Variants in TBX5 observed in about 807,000 individuals in gnomAD.
TBX5 encodes the protein T-box transcription factor TBX5.
Under a neutral mutation model 51.1 loss-of-function variants are expected in TBX5, and 8 were observed. The ratio of observed to expected loss-of-function variants is 0.16; its 90% CI spans 0.09 to 0.28. The LOEUF is 0.28. Among genes scored for constraint, TBX5 ranks in the 10% least tolerant of loss-of-function variants. TBX5 has a pLI of 1.00. For synonymous variants in TBX5, 302 were observed against 266.4 expected (o/e 1.13, Z -1.30); for missense variants, 589 against 671.7 (o/e 0.88, Z 1.36).
At chr12:114,400,627 G>A (rs1871749741) in intron 3 of TBX5, among the ~76,000 whole-genome samples, 1 of 152,210 alleles carries the variant, frequency 6.6e-6, no homozygotes, top group African/African-American at 2.4e-5. Context: ...CAGCCTGAGC[G>A]AGCGCGCCCG....
At position 114,406,040 on chromosome 12, in the gene TBX5, GAGTC is replaced by G. The variant is rs1350593006; in HGVS notation, c.-455_-452del. 1 of 985,032 alleles carries G rather than the reference GAGTC, an allele frequency of 1.0e-6. No individual in the cohort carries two copies. The highest frequency in any genetic ancestry group is 1.8e-5 in the African/African-American group (1 of 57,096). The allele number at this position is 985,032 out of a possible 1,614,324, so 61.0% of individuals were successfully genotyped here. ...ATTAAAGTTCCCGGATTCGAGGTAA[GAGTC>G]AGTCTCTCTCACTCTCTCTCCCTCT... On this transcript the variant is annotated 5_prime_UTR_variant, in exon 1 of 9. Transcript: ENST00000405440.
chr12:114,398,512 GAGA>G (rs879680837), intron 5 of TBX5, 58 bp downstream of exon 5: 4 of 1,582,098 alleles, frequency 2.5e-6, no homozygotes, highest in African/African-American at 1.3e-5. Flanking sequence ...GAAACCCAGT[GAGA>G]AGAAGGGAGA....
rs114498735 is a variant in TBX5 at position 114,397,433 on chromosome 12, T to A, written c.510+1140A>T. Among the ~76,000 whole-genome samples the A allele has an allele frequency of 9.1e-3, 1,389 of 152,356 alleles. 20 individuals carry two copies. Among genetic ancestry groups the A allele is most frequent in the African/African-American group, 0.03 (1,246 of 41,580 alleles). On this transcript the variant is annotated intron_variant, in intron 5 of 8. Coordinates refer to ENST00000405440, the MANE Select transcript of TBX5 (RefSeq NM_181486.4). The stretch of plus-strand genomic sequence containing the variant: ...CCCAAGACGAATGTACCCACTTGTA[T>A]GGCAGAATCATCCAGCTAAAAGTTC...
chr12:114,403,318 G>A (rs1217762501), intron 2 of TBX5, among the ~76,000 whole-genome samples: 2 of 152,258 alleles, frequency 1.3e-5, no homozygotes, highest in Non-Finnish European at 2.9e-5. Flanking sequence ...GGCTACGGAA[G>A]ATCAGAAGAG....
chr12:114,365,271 C>G (rs553892501), intron 8 of TBX5, among the ~76,000 whole-genome samples: 10 of 151,462 alleles, frequency 6.6e-5, no homozygotes, highest in Admixed American at 6.6e-4. Context: ...GCCAGAGAAG[C>G]ATTGATAGTC....
rs1565941389 is a variant in TBX5 at position 114,399,496 on chromosome 12, G to GCC, written c.362+15_362+16dup. The GCC allele has an allele frequency of 2.5e-6, 4 of 1,613,472 alleles. No individual in the cohort carries two copies. The highest frequency in any genetic ancestry group is 3.4e-6 in the Non-Finnish European group (4 of 1,179,830). On this transcript the variant is annotated intron_variant, in intron 4 of 8. Coordinates refer to ENST00000405440, the MANE Select transcript of TBX5 (RefSeq NM_181486.4). ...ACTTTTCTCTCTCCCCGCTCCACCT[G>GCC]CCACCCCAGTGCCTACCATTTATTA...
upstream of TBX5, chr12:114,407,046 G>A (rs914689928): frequency 1.0e-6 from 1 of 985,136 alleles, no homozygotes; most frequent in African/African-American, 1.7e-5. Flanking sequence ...TAAGAGACTT[G>A]GGCCTGCAAG....
rs1593886516 is a variant in TBX5 at position 114,403,830 on chromosome 12, G to A, written c.69C>T (p.Pro23=). 6.2e-7 allele frequency: 1 copy of A among 1,614,106 alleles called. No individual in the cohort carries two copies. ...GCGCGCTCTCGGGTTTCGAATCGCA[G>A]GGCAGGTCTTTTGCGTCAGGCTCCA... ...TPLEPDAKDL[P]CDSKPESALG... is the part of the protein sequence containing the mutation. Residue 23 remains proline (P), a synonymous_variant, in exon 2 of 9, where the codon CCC becomes CCT. Transcript: ENST00000405440.
Position 114,355,701 on chromosome 12 carries a change from T to C in TBX5, c.1388A>G (p.His463Arg). The change falls in exon 9 of 9, where the codon CAC becomes CGC. Residue 463 changes from histidine to arginine, a missense_variant. By Grantham distance (29) the His-to-Arg change is conservative. Transcript: ENST00000405440. ...CCCACACTGCCTGACCACAGGCTGGTGGGCCACGGAGGTCTGGTGCTGGAA... is the reference window on the plus strand; with the variant it reads ...CCCACACTGCCTGACCACAGGCTGGCGGGCCACGGAGGTCTGGTGCTGGAA... ...GMFQHQTSVA[H>R]QPVVRQCGPQ... 2 of 1,612,660 alleles carry C rather than the reference T, an allele frequency of 1.2e-6. No individual in the cohort carries two copies. Among genetic ancestry groups the C allele is most frequent in the Non-Finnish European group, 1.7e-6 (2 of 1,179,600 alleles).
intron 6 of TBX5, among the ~76,000 whole-genome samples, chr12:114,391,820 G>A (rs765946419): frequency 4.6e-5 from 7 of 152,144 alleles, no homozygotes; most frequent in East Asian, 1.9e-4. Flanking sequence ...ATATATCCAC[G>A]TGGGAAATGT....
rs567076753 is a variant in TBX5, at chr12:114,396,095, A to G, written c.511-1202T>C. On this transcript the variant is annotated intron_variant, in intron 5 of 8. Coordinates refer to ENST00000405440, the MANE Select transcript of TBX5 (RefSeq NM_181486.4). ...GACCCTGGGGCAAGATTCTTGGACC[A>G]ACCCTGGAGTCCGGCCCCGATCGAG... Among the ~76,000 whole-genome samples the G allele has an allele frequency of 3.3e-5, 5 of 152,242 alleles. No homozygotes were observed. In the East Asian group the frequency reaches 9.7e-4, roughly 30 times the overall value.
In TBX5 at chr12:114,401,902, C is replaced by T; in HGVS notation, c.166G>A (p.Val56Met). ...CACAGTTCTCTTTCATGGAGAAACA[C>T]TTTGATTCCCTCCATGCCCTGCAAG... is the stretch of plus-strand genomic sequence containing the variant. ...FTQQGMEGIK[V>M]FLHERELWLK... The change falls in exon 3 of 9, where the codon GTG becomes ATG. Residue 56 changes from valine (V) to methionine (M), a missense_variant. By Grantham distance (21) the Val-to-Met change is conservative. This residue lies in a region of TBX5 where 101 missense variants were observed against 83.3 expected (regional missense o/e 1.21). Coordinates refer to ENST00000405440, the MANE Select transcript of TBX5 (RefSeq NM_181486.4). 6.2e-7 allele frequency: 1 copy of T among 1,614,188 alleles called. No homozygotes were observed. The highest frequency in any genetic ancestry group is 8.5e-7 in the Non-Finnish European group (1 of 1,180,040).
Position 114,401,840 on chromosome 12 carries a change from T to A in TBX5, c.228A>T (p.Ile76=). The change falls in exon 3 of 9, where the codon ATA becomes ATT. Residue 76 remains isoleucine, a synonymous_variant. Coordinates refer to ENST00000405440, the MANE Select transcript of TBX5 (RefSeq NM_181486.4). ...KFHEVGTEMI[I]TKAGRRMFPS... is the part of the protein sequence containing the mutation. Reference sequence around the variant, plus strand: ...AACCATCTCACCTTCCAGCCTTGGTTATGATCATTTCCGTGCCCACTTCGT... The same window carrying A: ...AACCATCTCACCTTCCAGCCTTGGTAATGATCATTTCCGTGCCCACTTCGT... 1 of 1,614,202 alleles carries A rather than the reference T, an allele frequency of 6.2e-7. No homozygotes were observed. The highest frequency in any genetic ancestry group is 8.5e-7 in the Non-Finnish European group (1 of 1,180,022).
At chr12:114,381,686 G>C (rs1870512550) in intron 7 of TBX5, among the ~76,000 whole-genome samples, 1 of 152,028 alleles carries the variant, frequency 6.6e-6, no homozygotes, top group Non-Finnish European at 1.5e-5. Context: ...CTTACCCCAG[G>C]GCTCATACTG....
chr12:114,360,481 T>G (rs1471258810), intron 8 of TBX5, among the ~76,000 whole-genome samples: 2 of 126,096 alleles, frequency 1.6e-5, no homozygotes, highest in African/African-American at 3.1e-5. Flanking sequence ...GATGCATGGA[T>G]GGGTGGGTGG....
At chr12:114,370,654 TCTC>T (rs1869847973) in intron 7 of TBX5, among the ~76,000 whole-genome samples, 1 of 151,762 alleles carries the variant, frequency 6.6e-6, no homozygotes, top group South Asian at 2.1e-4. Context: ...TCTCTCTCTC[TCTC>T]TCTCTCTATC....
intron 4 of TBX5, 35 bp from the exon 5 acceptor site, chr12:114,398,755 C>T (rs1436687294): frequency 1.3e-6 from 2 of 1,582,208 alleles, no homozygotes; most frequent in Non-Finnish European, 8.6e-7. Context: ...AGGCCTGGCT[C>T]AGAGTCTGGA....
chr12:114,364,713 G>A (rs934204977), intron 8 of TBX5, among the ~76,000 whole-genome samples: 2 of 152,226 alleles, frequency 1.3e-5, no homozygotes, highest in East Asian at 1.9e-4. Context: ...CTTCTGGAGC[G>A]ATATCTGCCA....
At position 114,403,821 on chromosome 12, in the gene TBX5, C is replaced by T; in HGVS notation, c.78G>A (p.Ser26=). 1 of 1,614,062 alleles carries T rather than the reference C, an allele frequency of 6.2e-7. No homozygotes were observed. The highest frequency in any genetic ancestry group is 2.2e-5 in the East Asian group (1 of 44,860). The change falls in exon 2 of 9, where the codon TCG becomes TCA. Residue 26 remains serine, a synonymous_variant. Coordinates refer to ENST00000405440, the MANE Select transcript of TBX5 (RefSeq NM_181486.4). ...GGGCCCCGAGCGCGCTCTCGGGTTT[C>T]GAATCGCAGGGCAGGTCTTTTGCGT... ...EPDAKDLPCD[S]KPESALGAPS... is the part of the protein sequence containing the mutation.
Sources: gnomAD v4.1 joint callset for allele counts (sites outside exome capture counted in the v4.1 genomes callset) on GRCh38, gnomAD v4.1.1 for gene constraint, gnomAD v4.1.1 regional missense constraint, MANE v1.5 for transcripts, NCBI Gene and HGNC (gene_info 2026-07-23, HGNC 2026-07-21) for gene names.